CNTNAP2: variants seen among roughly 807,000 people sequenced by gnomAD.
CNTNAP2 encodes the protein contactin-associated protein-like 2.
In CNTNAP2, 98 loss-of-function variants were observed where a neutral mutation model predicts 155.2. That is an observed-to-expected ratio of 0.63 (90% CI 0.54 to 0.75). CNTNAP2 has a LOEUF of 0.75. CNTNAP2 is among the 30% of genes least tolerant of loss of function. The pLI, the probability that CNTNAP2 is intolerant of heterozygous loss-of-function variation, is 0.00. For synonymous variants in CNTNAP2, 651 were observed against 631.2 expected, an observed-to-expected ratio of 1.03 and a Z score of -0.47; for missense variants, 1,727 against 1,688.1, an observed-to-expected ratio of 1.02 and a Z score of -0.40.
intron 1 of CNTNAP2, among the ~76,000 whole-genome samples, chr7:146,449,702 G>A (rs1269246863): frequency 1.3e-5 from 2 of 152,100 alleles, no homozygotes; most frequent in African/African-American, 2.4e-5. Flanking sequence ...ATTTAAGATG[G>A]CACCTTAGAC....
rs191015788 is a variant in CNTNAP2 at position 147,165,988 on chromosome 7, A to G, written c.1348+33479A>G. ...CAGTGTGGAGATTCTTTAAAGAACT[A>G]AAAGTAGAACTACCCTTTGATCCAG... is the stretch of plus-strand genomic sequence containing the variant. On this transcript the variant is annotated intron_variant, in intron 8 of 23. Transcript: ENST00000361727. Among the ~76,000 whole-genome samples, 479 of 152,310 alleles carry G rather than the reference A, an allele frequency of 3.1e-3. 2 individuals are homozygous for G. Among genetic ancestry groups the G allele is most frequent in the African/African-American group, 0.011 (462 of 41,584 alleles).
At chr7:146,454,012 T>C (rs1161231456) in intron 1 of CNTNAP2, among the ~76,000 whole-genome samples, 1 of 151,906 alleles carries the variant, frequency 6.6e-6, no homozygotes, top group African/African-American at 2.4e-5. Context: ...AATTAAAAGA[T>C]AGAAAATTTT....
chr7:147,249,685 G>A (rs142832005), intron 8 of CNTNAP2, among the ~76,000 whole-genome samples: 34 of 150,410 alleles, frequency 2.3e-4, no homozygotes, highest in African/African-American at 7.1e-4. Context: ...AGCTGGAGTT[G>A]GGAAATGCAG....
At chr7:146,816,041 T>C (rs1803163811) in intron 2 of CNTNAP2, among the ~76,000 whole-genome samples, 2 of 152,316 alleles carry the variant, frequency 1.3e-5, no homozygotes, top group Middle Eastern at 3.4e-3. Flanking sequence ...GATAGTTTGC[T>C]CAGAATGATA....
chr7:146,288,664 G>A (rs1324360181), intron 1 of CNTNAP2, among the ~76,000 whole-genome samples: 3 of 151,874 alleles, frequency 2.0e-5, no homozygotes, highest in Admixed American at 2.0e-4. Flanking sequence ...CTGTGTAATA[G>A]CCCAATAGGC....
Position 147,206,996 on chromosome 7 carries a change from C to CTGT in CNTNAP2, c.1348+74489_1348+74491dup, listed in dbSNP as rs560091949. Among the ~76,000 whole-genome samples, 171 of 152,260 alleles carry CTGT rather than the reference C, an allele frequency of 1.1e-3. 3 individuals are homozygous for CTGT. In the South Asian group the frequency reaches 0.033, roughly 30 times the overall value. On this transcript the variant is annotated intron_variant, in intron 8 of 23. Transcript: ENST00000361727. ...CAGAAACTGGGGAAGTTACAGAAAA[C>CTGT]TGTTACTGATCTCATATTTGCACCA...
chr7:147,893,361 T>A (rs1279310325), intron 13 of CNTNAP2, among the ~76,000 whole-genome samples: 1 of 152,174 alleles, frequency 6.6e-6, no homozygotes, highest in South Asian at 2.1e-4. Context: ...GGAATTAAAT[T>A]GAGATGTTAC....
At chr7:147,020,675 A>G (rs542595031) in intron 3 of CNTNAP2, among the ~76,000 whole-genome samples, 3 of 152,330 alleles carry the variant, frequency 2.0e-5, no homozygotes, top group Non-Finnish European at 4.4e-5. Context: ...CCTGACTCCT[A>G]TAATGACCCA....
intron 10 of CNTNAP2, among the ~76,000 whole-genome samples, chr7:147,465,208 CTTTA>C (rs565727219): frequency 3.1e-4 from 47 of 152,234 alleles, no homozygotes; most frequent in South Asian, 2.7e-3. Context: ...CTACGGAAAA[CTTTA>C]TTTATTATTT....
At chr7:148,107,858 A>C (rs1280563118) in intron 15 of CNTNAP2, among the ~76,000 whole-genome samples, 1 of 152,224 alleles carries the variant, frequency 6.6e-6, no homozygotes, top group Non-Finnish European at 1.5e-5. Flanking sequence ...TTACAGCAGA[A>C]GCTATAGATA....
intron 15 of CNTNAP2, among the ~76,000 whole-genome samples, chr7:147,994,555 A>G (rs1005839162): frequency 2.0e-5 from 3 of 152,150 alleles, no homozygotes; most frequent in Admixed American, 6.5e-5. Context: ...CACTGTTCTC[A>G]TGATAGTGAA....
chr7:146,388,007 A>AGT (rs142522965), intron 1 of CNTNAP2, among the ~76,000 whole-genome samples: 11,149 of 147,362 alleles, frequency 0.076, 880 homozygotes, highest in African/African-American at 0.21. Flanking sequence ...TGTGTGCATG[A>AGT]GTGTGTGTGT....
intron 1 of CNTNAP2, among the ~76,000 whole-genome samples, chr7:146,506,737 TCTC>T (rs1231871488): frequency 1.1e-4 from 16 of 152,298 alleles, no homozygotes; most frequent in African/African-American, 2.9e-4. Flanking sequence ...ACCATAGGTG[TCTC>T]CTCCTTAGTG....
chr7:147,814,792 A>G (rs544631694), intron 13 of CNTNAP2, among the ~76,000 whole-genome samples: 36 of 152,292 alleles, frequency 2.4e-4, no homozygotes, highest in African/African-American at 8.7e-4. Flanking sequence ...AATGATCTAT[A>G]TTCAGCCTAT....
intron 13 of CNTNAP2, among the ~76,000 whole-genome samples, chr7:147,722,248 C>A (rs990920553): frequency 9.9e-5 from 15 of 152,282 alleles, no homozygotes; most frequent in African/African-American, 3.6e-4. Context: ...GTTCCAGTTT[C>A]TGAGATCACA....
At chr7:146,778,504 C>T (rs1802428392) in intron 2 of CNTNAP2, among the ~76,000 whole-genome samples, 1 of 152,100 alleles carries the variant, frequency 6.6e-6, no homozygotes, top group Admixed American at 6.5e-5. Flanking sequence ...ACACCTTATT[C>T]CTGTGATCTG....
intron 11 of CNTNAP2, among the ~76,000 whole-genome samples, chr7:147,499,214 G>C (rs1318479952): frequency 3.3e-5 from 5 of 151,986 alleles, no homozygotes; most frequent in Non-Finnish European, 7.4e-5. Flanking sequence ...TTTTTTGGAG[G>C]GGTAATTTAG....
In CNTNAP2 at chr7:147,732,989, G is replaced by C. The variant is rs557197233; in HGVS notation, c.2098+93683G>C. Among the ~76,000 whole-genome samples, 17 of 152,328 alleles carry C rather than the reference G, an allele frequency of 1.1e-4. No individual in the cohort carries two copies. The South Asian group carries it at 3.5e-3, about 32-fold the overall frequency. ...TTTTCTCCCATTGTGTAGGTTGCCA[G>C]TTCACTCTGATGGTAGTTTCTTTTT... On this transcript the variant is annotated intron_variant, in intron 13 of 23. Coordinates refer to ENST00000361727, the MANE Select transcript of CNTNAP2 (RefSeq NM_014141.6).
At chr7:148,023,993 C>T (rs1802330827) in intron 15 of CNTNAP2, among the ~76,000 whole-genome samples, 1 of 152,048 alleles carries the variant, frequency 6.6e-6, no homozygotes, top group African/African-American at 2.4e-5. Flanking sequence ...TTCAAATTCA[C>T]ATAAAAGGAG....
Sources: allele counts gnomAD v4.1 joint callset (sites outside exome capture counted in the v4.1 genomes callset), GRCh38; gene constraint gnomAD v4.1.1; transcripts MANE v1.5; gene names NCBI Gene and HGNC (gene_info 2026-07-23, HGNC 2026-07-21).